Variants in MXRA8 observed in about 807,000 individuals in gnomAD.
The protein encoded by MXRA8 is matrix remodeling-associated protein 8.
Under a neutral mutation model 51.4 loss-of-function variants are expected in MXRA8, and 44 were observed. The observed-to-expected ratio is 0.86, with a 90% CI of 0.67 to 1.10. MXRA8 has a LOEUF of 1.10. Among genes scored for constraint, MXRA8 ranks in the 50% least tolerant of loss-of-function variants. The pLI is 0.00. For synonymous variants in MXRA8, 369 were observed against 293.5 expected (o/e 1.26, Z -2.63); for missense variants, 765 against 638.9 (o/e 1.20, Z -2.13).
upstream of MXRA8, among the ~76,000 whole-genome samples, chr1:1,363,472 T>C (rs1352593903): frequency 6.6e-6 from 1 of 151,902 alleles, no homozygotes; most frequent in Non-Finnish European, 1.5e-5. Context: ...TTTGTTCTTT[T>C]GCTCAGGATG....
At position 1,354,946 on chromosome 1, in the gene MXRA8, C is replaced by CCGA. The variant is rs1203942083; in HGVS notation, c.682_684dup (p.Ser228dup). 1 of 1,601,256 alleles carries CCGA rather than the reference C, an allele frequency of 6.2e-7. No homozygotes were observed. Among genetic ancestry groups the CCGA allele is most frequent in the East Asian group, 2.3e-5 (1 of 44,384 alleles). On this transcript the variant is annotated inframe_insertion, in exon 5 of 10. Coordinates refer to ENST00000309212, the MANE Select transcript of MXRA8 (RefSeq NM_032348.4). ...AGGGGCCCGTAGGCGCGGCGCTCGCCCGACGCGTAGAGGTCCAGCAGGCGG... is the reference window on the plus strand; with the variant it reads ...AGGGGCCCGTAGGCGCGGCGCTCGCCCGACGACGCGTAGAGGTCCAGCAGGCGG...
At chr1:1,360,037 G>A (rs558531551), upstream of MXRA8, among the ~76,000 whole-genome samples, 61 of 152,338 alleles carry the variant, frequency 4.0e-4, no homozygotes, top group African/African-American at 1.5e-3. Context: ...TCCCCATGGA[G>A]GGAGGACGGA....
upstream of MXRA8, among the ~76,000 whole-genome samples, chr1:1,361,026 A>G (rs944710470): frequency 2.0e-5 from 3 of 151,898 alleles, no homozygotes; most frequent in East Asian, 1.9e-4. Flanking sequence ...ACACATACAC[A>G]TGCATGCACA....
intron 1 of MXRA8, among the ~76,000 whole-genome samples, chr1:1,357,186 G>C (rs1408085732): frequency 6.6e-6 from 1 of 152,202 alleles, no homozygotes; most frequent in Non-Finnish European, 1.5e-5. Flanking sequence ...GCTGAATGTG[G>C]GTCGTGACCC....
At position 1,354,789 on chromosome 1, in the gene MXRA8, A is replaced by C. The variant is rs919064564; in HGVS notation, c.842T>G (p.Leu281Arg). ...SCHLHHHYCG[L>R]HERRVFHLTV... ...CAGGTGGAAGACGCGGCGTTCGTGC[A>C]GGCCACAGTAATGGTGGTGCAGGTG... The change falls in exon 5 of 10, where the codon CTG becomes CGG. Residue 281 changes from leucine (L) to arginine (R), a missense_variant. Coordinates refer to ENST00000309212, the MANE Select transcript of MXRA8 (RefSeq NM_032348.4). The C allele has an allele frequency of 5.0e-6, 8 of 1,612,014 alleles. No homozygotes were observed. The African/African-American group carries it at 9.3e-5, about 19-fold the overall frequency.
At chr1:1,358,686 G>A (rs962201084), upstream of MXRA8, 5 of 1,399,188 alleles carry the variant, frequency 3.6e-6, no homozygotes, top group South Asian at 6.6e-5. Context: ...CATCGTTGCT[G>A]GCCTGCTGGG....
In MXRA8 at chr1:1,352,864, G is replaced by A. The variant is rs138806666; in HGVS notation, c.*740C>T. ...AGCCCTAGACTCCAGCCCAGGCAGA[G>A]TCCAAGGGAGGGGTGTCAGGGTCAG... On this transcript the variant is annotated 3_prime_UTR_variant, in exon 10 of 10. Transcript: ENST00000309212. The A allele has an allele frequency of 1.2e-3, 333 of 276,936 alleles. 3 individuals are homozygous for A. Among genetic ancestry groups the A allele is most frequent in the Non-Finnish European group, 1.7e-3 (244 of 143,908 alleles). 17.2% of individuals were successfully genotyped at this position (276,936 alleles called of 1,614,324 possible).
At chr1:1,359,498 T>C (rs1177396244), upstream of MXRA8, 8 of 985,332 alleles carry the variant, frequency 8.1e-6, no homozygotes, top group Non-Finnish European at 7.2e-6. Flanking sequence ...CAGTGCATAG[T>C]TCCGCCCGCC....
upstream of MXRA8, among the ~76,000 whole-genome samples, chr1:1,360,023 T>C (rs34876581): frequency 0.76 from 115,441 of 152,220 alleles, 48,243 homozygotes; most frequent in Non-Finnish European, 0.94. Context: ...CCCTGTTCCC[T>C]CTCTCCCCAT....
In MXRA8 at chr1:1,354,221, AGTATTC is replaced by A; in HGVS notation, c.1111_1116del (p.Glu371_Tyr372del). 6.2e-7 allele frequency: 1 copy of A among 1,612,532 alleles called. No individual in the cohort carries two copies. The highest frequency in any genetic ancestry group is 1.3e-5 in the African/African-American group (1 of 75,052). ...TTTGACTTTCCCGACTTCTGGTCCGAGTATTCGTAGCCTGGGAAGGAGACTCACATT... is the reference window on the plus strand; with the variant it reads ...TTTGACTTTCCCGACTTCTGGTCCGAGTAGCCTGGGAAGGAGACTCACATT... On this transcript the variant is annotated inframe_deletion, in exon 7 of 10. Coordinates refer to ENST00000309212, the MANE Select transcript of MXRA8 (RefSeq NM_032348.4).
At position 1,354,453 on chromosome 1, in the gene MXRA8, C is replaced by T. The variant is rs1437221433; in HGVS notation, c.1006G>A (p.Ala336Thr). The change falls in exon 6 of 10, where the codon GCC becomes ACC. Residue 336 changes from alanine to threonine, a missense_variant. Transcript: ENST00000309212. ...VINVIVPESR[A>T]HFFQQLGYVL... is the part of the protein sequence containing the mutation. ...TAGCCCAGCTGCTGGAAGAAGTGGG[C>T]TCGGCTCTCGGGGACGATGACATTG... is the stretch of plus-strand genomic sequence containing the variant. 6 of 1,612,344 alleles carry T rather than the reference C, an allele frequency of 3.7e-6. No homozygotes were observed. Among genetic ancestry groups the T allele is most frequent in the East Asian group, 4.5e-5 (2 of 44,888 alleles).
upstream of MXRA8, chr1:1,361,137 A>G (rs1644217495): frequency 1.4e-6 from 1 of 699,542 alleles, no homozygotes; most frequent in Admixed American, 2.0e-5. Flanking sequence ...ACACACGGAC[A>G]CACAGAGAAG....
intron 2 of MXRA8, 77 bp downstream of exon 2, chr1:1,356,604 C>G (rs1477629504): frequency 9.1e-7 from 1 of 1,101,892 alleles, no homozygotes; most frequent in East Asian, 3.2e-5. Flanking sequence ...GCCTGAGGAC[C>G]CCCGGGGGCT....
In MXRA8 at chr1:1,354,810, A is replaced by G; in HGVS notation, c.821T>C (p.Leu274Pro). The G allele has an allele frequency of 6.2e-7, 1 of 1,612,192 alleles. No homozygotes were observed. Among genetic ancestry groups the G allele is most frequent in the South Asian group, 1.1e-5 (1 of 91,066 alleles). Residue 274 changes from leucine (L) to proline (P), a missense_variant, in exon 5 of 10, where the codon CTG becomes CCG. Physicochemically the swap from Leu to Pro is moderately conservative, Grantham distance 98. Transcript: ENST00000309212. ...VADEGTYSCH[L>P]HHHYCGLHER... ...GTGCAGGCCACAGTAATGGTGGTGC[A>G]GGTGGCAGGAGTAGGTGCCCTCGTC...
intron 1 of MXRA8, among the ~76,000 whole-genome samples, chr1:1,357,567 G>A (rs1644157475): frequency 6.6e-6 from 1 of 152,194 alleles, no homozygotes; most frequent in Non-Finnish European, 1.5e-5. Context: ...AGCACTTTGG[G>A]AGGCCAAGGC....
rs539592513 is a variant in MXRA8 at position 1,354,755 on chromosome 1, G to A, written c.876C>T (p.Ala292=). The part of the protein sequence containing the change: ...HERRVFHLTV[A]EPHAEPPPRG... ...GGGGGGGCGGCTCCGCGTGGGGTTC[G>A]GCGACCGTCAGGTGGAAGACGCGGC... The change falls in exon 5 of 10, where the codon GCC becomes GCT. Residue 292 remains alanine (A), a synonymous_variant. Transcript: ENST00000309212. The A allele has an allele frequency of 6.2e-7, 1 of 1,611,096 alleles. No homozygotes were observed.
chr1:1,360,724 T>A (rs1405516133), upstream of MXRA8, among the ~76,000 whole-genome samples: 1 of 152,116 alleles, frequency 6.6e-6, no homozygotes, highest in Non-Finnish European at 1.5e-5. Context: ...GCACTGAGGA[T>A]CTGATCTTGG....
chr1:1,353,587 A>T lies in MXRA8; in HGVS notation c.*17T>A. On this transcript the variant is annotated 3_prime_UTR_variant, in exon 10 of 10. Transcript: ENST00000309212. ...GAGAGGTGCAGCTGCTGGCCCAGCC[A>T]GGAGCCCAGGGCCTCCCTATTTGCA... is the stretch of plus-strand genomic sequence containing the variant. 1 of 1,559,738 alleles carries T rather than the reference A, an allele frequency of 6.4e-7. No homozygotes were observed. Among genetic ancestry groups the T allele is most frequent in the Non-Finnish European group, 8.7e-7 (1 of 1,151,252 alleles).
chr1:1,358,665 T>C, upstream of MXRA8: 1 of 1,405,476 alleles, frequency 7.1e-7, no homozygotes, highest in Non-Finnish European at 9.3e-7. Flanking sequence ...GCCGGGCCCC[T>C]TGGCCTCCCC....
Sources: gnomAD v4.1 joint callset for allele counts (sites outside exome capture counted in the v4.1 genomes callset) on GRCh38, gnomAD v4.1.1 for gene constraint, MANE v1.5 for transcripts, NCBI Gene and HGNC (gene_info 2026-07-23, HGNC 2026-07-21) for gene names.